The following GPHN variants were observed in gnomAD, a reference collection of about 807,000 sequenced individuals.
The protein encoded by GPHN is gephyrin.
A neutral mutation model predicts 95.5 loss-of-function variants in GPHN; 17 were observed. The ratio of observed to expected loss-of-function variants is 0.18; its 90% confidence interval spans 0.12 to 0.27. The LOEUF is 0.27. Among genes scored for constraint, GPHN ranks in the 10% least tolerant of loss-of-function variants. The pLI, the probability that GPHN is intolerant of heterozygous loss-of-function variation, is 1.00. For synonymous variants in GPHN, 320 were observed against 322.5 expected, an observed-to-expected ratio of 0.99 and a Z score of 0.08; for missense variants, 660 against 978.1, an observed-to-expected ratio of 0.67 and a Z score of 4.34.
intron 9 of GPHN, among the ~76,000 whole-genome samples, chr14:67,020,469 C>A (rs1036587467): frequency 6.6e-6 from 1 of 151,894 alleles, no homozygotes; most frequent in Admixed American, 6.6e-5. Context: ...CACTTTTGTT[C>A]CTTACATTTA....
At chr14:66,756,848 A>G (rs967592788) in intron 2 of GPHN, among the ~76,000 whole-genome samples, 2 of 152,214 alleles carry the variant, frequency 1.3e-5, no homozygotes, top group African/African-American at 4.8e-5. Flanking sequence ...TATGATGTTT[A>G]TTTAAGTCTG....
chr14:67,426,268 G>C, the GPHN span, among the ~76,000 whole-genome samples: 4 of 152,172 alleles, frequency 2.6e-5, no homozygotes, highest in African/African-American at 9.6e-5. Context: ...TCTCTGGGCT[G>C]AGTTGGGTAG....
intron 2 of GPHN, among the ~76,000 whole-genome samples, chr14:66,689,147 C>A (rs1378732067): frequency 2.0e-5 from 3 of 151,968 alleles, no homozygotes; most frequent in Non-Finnish European, 4.4e-5. Context: ...TTAACTTTTC[C>A]CAAGTCAGTG....
Position 66,615,766 on chromosome 14 carries a change from G to A in GPHN, c.65-65341G>A, listed in dbSNP as rs183629832. ...TTGATTTTTGTTGCAGTTGCTTTTGGCATTTTCATCATGAAGTCTTTGCCC... is the reference window on the plus strand; with the variant it reads ...TTGATTTTTGTTGCAGTTGCTTTTGACATTTTCATCATGAAGTCTTTGCCC... On this transcript the variant is annotated intron_variant, in intron 1 of 22. Transcript: ENST00000478722. Among the ~76,000 whole-genome samples the A allele has an allele frequency of 5.5e-4, 83 of 151,148 alleles. 3 individuals are homozygous for A. The highest frequency in any genetic ancestry group is 2.0e-3 in the African/African-American group (81 of 41,270).
At chr14:66,766,037 A>T (rs1170041709) in intron 2 of GPHN, among the ~76,000 whole-genome samples, 2 of 152,176 alleles carry the variant, frequency 1.3e-5, no homozygotes, top group Non-Finnish European at 2.9e-5. Context: ...GACTTGAGGG[A>T]TAATGGTTCT....
At chr14:67,572,439 G>A in the GPHN span, among the ~76,000 whole-genome samples, 113 of 152,218 alleles carry the variant, frequency 7.4e-4, no homozygotes, top group African/African-American at 2.5e-3. Flanking sequence ...CAGTTATGGA[G>A]TCAGACACAC....
intron 2 of GPHN, among the ~76,000 whole-genome samples, chr14:66,756,073 C>A (rs2058544874): frequency 6.6e-6 from 1 of 152,046 alleles, no homozygotes. Context: ...TACCTCTAAC[C>A]CCAGGATATT....
chr14:67,589,433 A>T, the GPHN span: 83 of 984,836 alleles, frequency 8.4e-5, no homozygotes, highest in African/African-American at 1.3e-3. Flanking sequence ...AACTGATATA[A>T]AAAAAAATGC....
chr14:67,215,250 A>C, the GPHN span, among the ~76,000 whole-genome samples: 1 of 152,164 alleles, frequency 6.6e-6, no homozygotes, highest in Non-Finnish European at 1.5e-5. Flanking sequence ...GCTCACCAGG[A>C]ATCTTCTAGG....
the GPHN span, chr14:67,301,836 T>A: frequency 2.0e-6 from 2 of 1,013,244 alleles, no homozygotes; most frequent in Non-Finnish European, 2.7e-6. Flanking sequence ...ACTTAACACA[T>A]CTTTATTATT....
chr14:67,655,968 G>C, the GPHN span, among the ~76,000 whole-genome samples: 1 of 152,134 alleles, frequency 6.6e-6, no homozygotes, highest in Non-Finnish European at 1.5e-5. Context: ...CAAAGCGGCC[G>C]GGCACAGTGG....
rs2057879585 is a variant in GPHN at position 66,508,470 on chromosome 14, G to C, written c.-58G>C. 6.5e-7 allele frequency: 1 copy of C among 1,537,954 alleles called. No individual in the cohort carries two copies. Among genetic ancestry groups the C allele is most frequent in the African/African-American group, 1.4e-5 (1 of 73,412 alleles). ...CTCGGCGAGCGCGCTCCCGGCCCGC[G>C]CGCTCCGGGCTCCGGTTTCTCCCGG... On this transcript the variant is annotated 5_prime_UTR_variant, in exon 1 of 23. Transcript: ENST00000478722.
chr14:67,431,195 C>G, the GPHN span, among the ~76,000 whole-genome samples: 2 of 151,900 alleles, frequency 1.3e-5, no homozygotes, highest in African/African-American at 2.4e-5. Flanking sequence ...GAGTTCGAGA[C>G]CAGCCTGACC....
chr14:66,770,777 GTTA>G (rs547977646), intron 2 of GPHN, among the ~76,000 whole-genome samples: 66 of 152,058 alleles, frequency 4.3e-4, no homozygotes, highest in African/African-American at 1.4e-3. Flanking sequence ...TTGAGAGAAA[GTTA>G]TTATAAAAAT....
At chr14:66,812,521 A>T (rs2060803455) in intron 3 of GPHN, among the ~76,000 whole-genome samples, 1 of 152,236 alleles carries the variant, frequency 6.6e-6, no homozygotes, top group South Asian at 2.1e-4. Context: ...TATAATCATA[A>T]TCAAGCAGTA....
chr14:67,473,423 G>T, the GPHN span: 1 of 1,613,106 alleles, frequency 6.2e-7, no homozygotes, highest in African/African-American at 1.3e-5. The surrounding 1 kb of genome is among the most constrained non-coding windows in gnomAD (Gnocchi z 6.5). Flanking sequence ...TTCCTGCTCA[G>T]TCAGTCTTGA....
the GPHN span, among the ~76,000 whole-genome samples, chr14:67,627,992 A>G: frequency 6.6e-6 from 1 of 152,196 alleles, no homozygotes; most frequent in Non-Finnish European, 1.5e-5. Context: ...AATTGGCTTT[A>G]TATTTCCTTT....
chr14:67,088,954 T>G (rs2077018892), intron 11 of GPHN, 29 bp from the exon 12 acceptor site: 2 of 1,304,520 alleles, frequency 1.5e-6, no homozygotes, highest in African/African-American at 2.9e-5. Flanking sequence ...TCTCCATATT[T>G]ACATTTTCCT....
At chr14:66,680,121 A>G (rs17103682) in intron 1 of GPHN, among the ~76,000 whole-genome samples, 6 of 152,202 alleles carry the variant, frequency 3.9e-5, no homozygotes, top group Non-Finnish European at 8.8e-5. Flanking sequence ...ATACACTTAG[A>G]ATGCCTTTGA....
Sources: allele counts gnomAD v4.1 joint callset (sites outside exome capture counted in the v4.1 genomes callset), GRCh38; gene constraint gnomAD v4.1.1; non-coding constraint Gnocchi (gnomAD v3.1); transcripts MANE v1.5; gene names NCBI Gene and HGNC (gene_info 2026-07-23, HGNC 2026-07-21).